The following LINGO2 variants were observed in gnomAD, a reference collection of about 807,000 sequenced individuals.
The protein encoded by LINGO2 is leucine-rich repeat and immunoglobulin-like domain-containing nogo receptor-interacting protein 2.
LINGO2 carries 14 observed loss-of-function variants against 30.6 expected under a neutral mutation model. The observed-to-expected ratio is 0.46, with a 90% CI of 0.30 to 0.72. The LOEUF (loss-of-function observed/expected upper bound fraction) is 0.72. LINGO2 is among the 30% of genes least tolerant of loss of function. LINGO2 has a pLI of 0.07. For missense variants in LINGO2, 729 were observed against 751.7 expected (o/e 0.97, Z 0.35); for synonymous variants, 317 against 288.5 (o/e 1.10, Z -1.00).
At chr9:28,839,909 C>A in the LINGO2 span, among the ~76,000 whole-genome samples, 798 of 152,272 alleles carry the variant, frequency 5.2e-3, 7 homozygotes, top group African/African-American at 0.018. Context: ...GAGCTTCCCT[C>A]AGCACCCCCT....
At chr9:28,289,325 A>C (rs7849765) in intron 4 of LINGO2, among the ~76,000 whole-genome samples, 7,444 of 152,242 alleles carry the variant, frequency 0.049, 556 homozygotes, top group African/African-American at 0.17. Flanking sequence ...CAAATCTTTT[A>C]TATTCCAGAG....
At chr9:29,069,842 A>G in the LINGO2 span, among the ~76,000 whole-genome samples, 8 of 152,192 alleles carry the variant, frequency 5.3e-5, no homozygotes, top group East Asian at 1.4e-3. Flanking sequence ...TCTATTTTTA[A>G]TAGATAGCCA....
chr9:28,888,463 T>C, the LINGO2 span, among the ~76,000 whole-genome samples: 9 of 152,156 alleles, frequency 5.9e-5, no homozygotes, highest in Non-Finnish European at 7.4e-5. Flanking sequence ...TCAACATTTA[T>C]ATACTTAAAC....
At chr9:28,491,263 T>C (rs1826384644) in intron 1 of LINGO2, among the ~76,000 whole-genome samples, 1 of 152,208 alleles carries the variant, frequency 6.6e-6, no homozygotes, top group African/African-American at 2.4e-5. Flanking sequence ...TCCTTGTCTC[T>C]TGCAGCTTCT....
At chr9:28,003,367 A>G (rs914781803) in intron 5 of LINGO2, among the ~76,000 whole-genome samples, 6 of 149,172 alleles carry the variant, frequency 4.0e-5, no homozygotes, top group African/African-American at 1.5e-4. Flanking sequence ...AGATAGATAG[A>G]TAGATAGATA....
At chr9:28,248,208 G>A (rs1355847761) in intron 4 of LINGO2, among the ~76,000 whole-genome samples, 3 of 152,176 alleles carry the variant, frequency 2.0e-5, no homozygotes, top group Admixed American at 6.5e-5. Context: ...AGCAACCTAA[G>A]TGTTCATTAA....
chr9:28,282,335 A>G (rs1823356873), intron 4 of LINGO2, among the ~76,000 whole-genome samples: 1 of 152,020 alleles, frequency 6.6e-6, no homozygotes, highest in Admixed American at 6.6e-5. Context: ...TGAGACAATG[A>G]TAAGTAATGA....
the LINGO2 span, among the ~76,000 whole-genome samples, chr9:28,955,768 G>A: frequency 6.6e-6 from 1 of 152,022 alleles, no homozygotes; most frequent in Admixed American, 6.6e-5. Flanking sequence ...CATTAGATAT[G>A]TTCAGATTCT....
Position 28,117,223 on chromosome 9 carries a change from G to A in LINGO2, c.-86-104818C>T, listed in dbSNP as rs1256814502. Among the ~76,000 whole-genome samples the A allele has an allele frequency of 6.6e-5, 10 of 152,010 alleles. No homozygotes were observed. In the South Asian group the frequency reaches 1.7e-3, roughly 26 times the overall value. ...GGGGTGCCTCCCAGTTAGGCTGCCC[G>A]GGGTTCAGGGGTCAGGGACCCACTT... On this transcript the variant is annotated intron_variant, in intron 4 of 5. Transcript: ENST00000379992.
At chr9:27,942,616 C>T in the LINGO2 span, 13 of 151,896 alleles carry the variant, frequency 8.6e-5, no homozygotes, top group South Asian at 4.1e-4. Context: ...GCATTTTTTA[C>T]GAAAAGTTTT....
chr9:28,689,400 A>G, the LINGO2 span, among the ~76,000 whole-genome samples: 147 of 152,318 alleles, frequency 9.7e-4, no homozygotes, highest in African/African-American at 3.2e-3. Flanking sequence ...GGCAAAGGAC[A>G]TGAACAGACA....
the LINGO2 span, among the ~76,000 whole-genome samples, chr9:28,857,953 G>A: frequency 1.1e-4 from 17 of 151,406 alleles, no homozygotes; most frequent in African/African-American, 3.9e-4. Flanking sequence ...TTTAGATATC[G>A]TATGCGGCCC....
chr9:28,355,267 C>CTCTG (rs1384272979), intron 3 of LINGO2, among the ~76,000 whole-genome samples: 1 of 146,824 alleles, frequency 6.8e-6, no homozygotes, highest in African/African-American at 2.5e-5. Flanking sequence ...CTCTGTCTCT[C>CTCTG]TCTCTGTCTC....
chr9:29,039,981 A>C, the LINGO2 span, among the ~76,000 whole-genome samples: 2 of 152,138 alleles, frequency 1.3e-5, no homozygotes, highest in Admixed American at 6.5e-5. Flanking sequence ...AAACAGAAAA[A>C]ATCTAGAGTT....
the LINGO2 span, among the ~76,000 whole-genome samples, chr9:28,876,954 G>A: frequency 6.6e-6 from 1 of 152,164 alleles, no homozygotes; most frequent in African/African-American, 2.4e-5. Flanking sequence ...TAACTGGTGT[G>A]AGATGGTATC....
intron 5 of LINGO2, among the ~76,000 whole-genome samples, chr9:27,997,022 T>A (rs1484844626): frequency 6.6e-6 from 1 of 152,216 alleles, no homozygotes; most frequent in East Asian, 1.9e-4. Flanking sequence ...TTCTCTTATG[T>A]CAAATTGAAT....
chr9:27,989,988 G>A (rs1821314536), intron 5 of LINGO2, among the ~76,000 whole-genome samples: 1 of 152,004 alleles, frequency 6.6e-6, no homozygotes, highest in African/African-American at 2.4e-5. Flanking sequence ...CCAGCTCTAG[G>A]AACCTCAATC....
chr9:29,038,017 T>A, the LINGO2 span, among the ~76,000 whole-genome samples: 5 of 152,084 alleles, frequency 3.3e-5, no homozygotes, highest in African/African-American at 1.2e-4. Flanking sequence ...GAATACTTCA[T>A]AAAGTATTTA....
intron 2 of LINGO2, among the ~76,000 whole-genome samples, chr9:28,446,705 T>C (rs540800272): frequency 5.3e-5 from 8 of 152,242 alleles, no homozygotes; most frequent in Non-Finnish European, 1.0e-4. Context: ...TATGCTCTTT[T>C]CTAATCCATT....
Sources: gnomAD v4.1 joint callset for allele counts (sites outside exome capture counted in the v4.1 genomes callset) on GRCh38, gnomAD v4.1.1 for gene constraint, MANE v1.5 for transcripts, NCBI Gene and HGNC (gene_info 2026-07-23, HGNC 2026-07-21) for gene names.